FOXD4: variants seen among roughly 807,000 people sequenced by gnomAD.
FOXD4 encodes the protein forkhead box D4, also known as forkhead box protein D4.
A neutral mutation model predicts 26.5 loss-of-function variants in FOXD4; 22 were observed. The observed-to-expected ratio is 0.83, with a 90% CI of 0.59 to 1.18. FOXD4 has a LOEUF of 1.18. Ranked by LOEUF, FOXD4 falls within the 50% of genes most tolerant of loss-of-function variation. The probability of loss-of-function intolerance (pLI) is 0.00; values close to 1 mark genes in which losing one functional copy is unlikely to be tolerated. For missense variants in FOXD4, 625 were observed against 605.8 expected, an observed-to-expected ratio of 1.03 and a Z score of -0.33; for synonymous variants, 258 against 273.7, an observed-to-expected ratio of 0.94 and a Z score of 0.57.
rs756041805 is a variant in FOXD4, at chr9:117,900, C to G, written c.220G>C (p.Gly74Arg). ...AACTCTGAGGGGTCGCTCGGGCCGCCGCCGCCCTCGATGTGCTCTCGGGGA... is the reference window on the plus strand; with the variant it reads ...AACTCTGAGGGGTCGCTCGGGCCGCGGCCGCCCTCGATGTGCTCTCGGGGA... ...ALPREHIEGG[G>R]GPSDPSEFGT... The change falls in exon 1 of 1, where the codon GGC (glycine) becomes CGC (arginine). Residue 74 changes from glycine to arginine, a missense_variant. Coordinates refer to ENST00000382500, the MANE Select transcript of FOXD4 (RefSeq NM_207305.5). The G allele has an allele frequency of 6.2e-7, 1 of 1,611,962 alleles. No individual in the cohort carries two copies. Among genetic ancestry groups the G allele is most frequent in the Admixed American group, 1.7e-5 (1 of 60,008 alleles).
Position 116,479 on chromosome 9 carries a change from CTG to C in FOXD4, c.*319_*320del. ...GGGGGAACATGTTTGGCATCGGAGG[CTG>C]TGTTTTTGTTTGCTTGCTTGTTTTT... On this transcript the variant is annotated 3_prime_UTR_variant, in exon 1 of 1. Transcript: ENST00000382500. The C allele has an allele frequency of 2.1e-6, 1 of 478,968 alleles. No homozygotes were observed. The highest frequency in any genetic ancestry group is 3.4e-5 in the East Asian group (1 of 29,824). The allele number at this position is 478,968 out of a possible 1,614,324, so 29.7% of individuals were successfully genotyped here.
rs1819395301 is a variant in FOXD4 at position 117,473 on chromosome 9, G to C, written c.647C>G (p.Pro216Arg). The C allele has an allele frequency of 6.2e-7, 1 of 1,607,604 alleles. No individual in the cohort carries two copies. Among genetic ancestry groups the C allele is most frequent in the Non-Finnish European group, 8.5e-7 (1 of 1,179,688 alleles). ...CAGGGCGGCGTGTGCAGCAGGTAGA[G>C]GGAAGGGGTGGGGCAGGTGGGCTCC... ...TPGAHLPHPF[P>R]LPAAHAALHN... The change falls in exon 1 of 1, where the codon CCT (proline) becomes CGT (arginine). Residue 216 changes from proline to arginine, a missense_variant. Pro to Arg is a moderately radical substitution (Grantham distance 103). Transcript: ENST00000382500.
Position 117,806 on chromosome 9 carries a change from G to A in FOXD4, c.314C>T (p.Pro105Leu). 1.2e-6 allele frequency: 2 copies of A among 1,612,984 alleles called. No individual in the cohort carries two copies. The highest frequency in any genetic ancestry group is 1.7e-6 in the Non-Finnish European group (2 of 1,179,992). Residue 105 changes from proline to leucine, a missense_variant, in exon 1 of 1, where the codon CCC (proline) becomes CTC (leucine). By Grantham distance (98) the Pro-to-Leu change is moderately conservative. Transcript: ENST00000382500. ...ASEDARQPAK[P>L]PSSYIALITM... Reference sequence around the variant, plus strand: ...GATGAGCGCGATGTACGAGGAGGGGGGCTTTGCCGGCTGCCGGGCATCTTC... The same window carrying A: ...GATGAGCGCGATGTACGAGGAGGGGAGCTTTGCCGGCTGCCGGGCATCTTC...
Position 117,247 on chromosome 9 carries a change from G to A in FOXD4, c.873C>T (p.Pro291=), listed in dbSNP as rs1487432253. The A allele has an allele frequency of 1.2e-6, 2 of 1,609,174 alleles. No homozygotes were observed. The highest frequency in any genetic ancestry group is 1.7e-6 in the Non-Finnish European group (2 of 1,179,854). Residue 291 remains proline, a synonymous_variant, in exon 1 of 1, where the codon CCC becomes CCT. Transcript: ENST00000382500. ...CCAAGTGAGGGCTGCAGCACGGGAAGGGTGCCGGGGTCGCCAGGTCCGCGC... is the reference window on the plus strand; with the variant it reads ...CCAAGTGAGGGCTGCAGCACGGGAAAGGTGCCGGGGTCGCCAGGTCCGCGC... The part of the protein sequence containing the change: ...AEGADLATPA[P]FPCCSPHLVL...
rs767436497 is a variant in FOXD4, at chr9:118,059, C to T, written c.61G>A (p.Asp21Asn). 3.7e-6 allele frequency: 6 copies of T among 1,612,040 alleles called. No individual in the cohort carries two copies. Among genetic ancestry groups the T allele is most frequent in the South Asian group, 3.3e-5 (3 of 90,992 alleles). The change falls in exon 1 of 1, where the codon GAT becomes AAT. Residue 21 changes from aspartate to asparagine, a missense_variant. Physicochemically the swap from Asp to Asn is conservative, Grantham distance 23. Coordinates refer to ENST00000382500, the MANE Select transcript of FOXD4 (RefSeq NM_207305.5). ...ACATCGATTTTACCGTCTTCCCCAT[C>T]GGAGTCCCGGAGGCTGCGCTGCGGT... is the stretch of plus-strand genomic sequence containing the variant. ...STPQRSLRDS[D>N]GEDGKIDVLG...
At position 117,583 on chromosome 9, in the gene FOXD4, G is replaced by T. The variant is rs1819399414; in HGVS notation, c.537C>A (p.Ser179Arg). ...PGRPGKGNYWSLDPASQDMFD... is the reference protein window; with the variant it reads ...PGRPGKGNYWRLDPASQDMFD... ...ACATGTCCTGGGAGGCGGGGTCCAG[G>T]CTCCAGTAGTTGCCCTTGCCTGGGC... The change falls in exon 1 of 1, where the codon AGC (serine) becomes AGA (arginine). Residue 179 changes from serine (S) to arginine (R), a missense_variant. Around this residue, in one of 3 missense-constraint regions of FOXD4, gnomAD observed 399 missense variants for 329.4 expected, o/e 1.21. Transcript: ENST00000382500. 1.9e-6 allele frequency: 3 copies of T among 1,613,618 alleles called. No individual in the cohort carries two copies. The highest frequency in any genetic ancestry group is 2.5e-6 in the Non-Finnish European group (3 of 1,180,050).
Position 116,718 on chromosome 9 carries a change from C to T in FOXD4, c.*82G>A, listed in dbSNP as rs1194299809. 2.6e-6 allele frequency: 4 copies of T among 1,517,372 alleles called. No individual in the cohort carries two copies. Among genetic ancestry groups the T allele is most frequent in the Non-Finnish European group, 3.5e-6 (4 of 1,134,696 alleles). The allele number at this position is 1,517,372 out of a possible 1,614,324, so 94.0% of individuals were successfully genotyped here. ...ACAGAAGTTCGTGTTTGCTCTCCAG[C>T]GGGATTCAGATGCACACGCCCAGTA... On this transcript the variant is annotated 3_prime_UTR_variant, in exon 1 of 1. Transcript: ENST00000382500.
rs757510113 is a variant in FOXD4, at chr9:117,964, C to T, written c.156G>A (p.Gln52=). 29 of 1,611,856 alleles carry T rather than the reference C, an allele frequency of 1.8e-5. No homozygotes were observed. In the African/African-American group the frequency reaches 2.9e-4, roughly 16 times the overall value. Residue 52 remains glutamine (Q), a synonymous_variant, in exon 1 of 1, where the codon CAG becomes CAA. Coordinates refer to ENST00000382500, the MANE Select transcript of FOXD4 (RefSeq NM_207305.5). ...CCCACCGGGCCACCTGCAGCCCCGGCTGGAGCGACTGCTCTAGGAACTGCT... is the reference window on the plus strand; with the variant it reads ...CCCACCGGGCCACCTGCAGCCCCGGTTGGAGCGACTGCTCTAGGAACTGCT... ...ASQQFLEQSL[Q]PGLQVARWGG...
chr9:118,000 C>T lies in FOXD4; in HGVS notation c.120G>A (p.Glu40=). The change falls in exon 1 of 1, where the codon GAG becomes GAA. Residue 40 remains glutamate (E), a synonymous_variant. Coordinates refer to ENST00000382500, the MANE Select transcript of FOXD4 (RefSeq NM_207305.5). ...GCTCTAGGAACTGCTGGCTCGCCGC[C>T]TCCTCCTCGTCTTCATCTTCCTCCT... ...LGEEEDEDEE[E]AASQQFLEQS... 1.2e-6 allele frequency: 2 copies of T among 1,610,256 alleles called. No individual in the cohort carries two copies. The highest frequency in any genetic ancestry group is 1.7e-6 in the Non-Finnish European group (2 of 1,179,026).
Position 117,584 on chromosome 9 carries a change from C to A in FOXD4, c.536G>T (p.Ser179Ile). 2 of 1,613,770 alleles carry A rather than the reference C, an allele frequency of 1.2e-6. No individual in the cohort carries two copies. The highest frequency in any genetic ancestry group is 1.7e-6 in the Non-Finnish European group (2 of 1,180,046). The change falls in exon 1 of 1, where the codon AGC becomes ATC. Residue 179 changes from serine (S) to isoleucine (I), a missense_variant. Transcript: ENST00000382500. ...PGRPGKGNYW[S>I]LDPASQDMFD... is the part of the protein sequence containing the mutation. ...CATGTCCTGGGAGGCGGGGTCCAGG[C>A]TCCAGTAGTTGCCCTTGCCTGGGCG...
In FOXD4 at chr9:117,624, G is replaced by C; in HGVS notation, c.496C>G (p.Pro166Ala). Reference protein sequence around the residue: ...LSLNDCFVKIPREPGRPGKGN... With the variant: ...LSLNDCFVKIAREPGRPGKGN... Reference sequence around the variant, plus strand: ...TTGCCTGGGCGGCCCGGCTCGCGGGGGATCTTGACGAAGCAGTCGTTCAGC... The same window carrying C: ...TTGCCTGGGCGGCCCGGCTCGCGGGCGATCTTGACGAAGCAGTCGTTCAGC... Residue 166 changes from proline (P) to alanine (A), a missense_variant, in exon 1 of 1, where the codon CCC becomes GCC. Pro to Ala is a conservative substitution (Grantham distance 27, BLOSUM62 -1). This residue lies in a region of FOXD4 where 399 missense variants were observed against 329.4 expected (regional missense o/e 1.21). Transcript: ENST00000382500. The C allele has an allele frequency of 6.2e-7, 1 of 1,613,846 alleles. No individual in the cohort carries two copies. The highest frequency in any genetic ancestry group is 8.5e-7 in the Non-Finnish European group (1 of 1,180,056).
chr9:117,673 C>T lies in FOXD4; in HGVS notation c.447G>A (p.Gln149=). The T allele has an allele frequency of 1.9e-6, 3 of 1,613,288 alleles. No individual in the cohort carries two copies. Among genetic ancestry groups the T allele is most frequent in the Non-Finnish European group, 2.5e-6 (3 of 1,179,900 alleles). Reference sequence around the variant, plus strand: ...GCGAGAGGTTGTGGCGGATGCTGTTCTGCCAGGCGGGGAACTTGCGGCGGT... The same window carrying T: ...GCGAGAGGTTGTGGCGGATGCTGTTTTGCCAGGCGGGGAACTTGCGGCGGT... The part of the protein sequence containing the change: ...PYYRRKFPAW[Q]NSIRHNLSLN... The change falls in exon 1 of 1, where the codon CAG becomes CAA. Residue 149 remains glutamine, a synonymous_variant. Transcript: ENST00000382500.
chr9:116,727 G>C lies in FOXD4; in HGVS notation c.*73C>G. On this transcript the variant is annotated 3_prime_UTR_variant, in exon 1 of 1. Coordinates refer to ENST00000382500, the MANE Select transcript of FOXD4 (RefSeq NM_207305.5). ...CGTGTTTGCTCTCCAGCGGGATTCA[G>C]ATGCACACGCCCAGTATGGGCCGCG... is the stretch of plus-strand genomic sequence containing the variant. 6.6e-7 allele frequency: 1 copy of C among 1,519,986 alleles called. No individual in the cohort carries two copies. The highest frequency in any genetic ancestry group is 8.8e-7 in the Non-Finnish European group (1 of 1,135,842). The allele number at this position is 1,519,986 out of a possible 1,614,324, so 94.2% of individuals were successfully genotyped here. A position where few individuals can be genotyped will look rare whatever the true frequency, so the allele number is the denominator to read the frequency against.
rs755585752 is a variant in FOXD4 at position 118,029 on chromosome 9, C to T, written c.91G>A (p.Gly31Arg). ...TCCTCGTCTTCATCTTCCTCCTCTC[C>T]CAGGACATCGATTTTACCGTCTTCC... ...DGEDGKIDVL[G>R]EEEDEDEEEA... Residue 31 changes from glycine (G) to arginine (R), a missense_variant, in exon 1 of 1, where the codon GGA becomes AGA. Transcript: ENST00000382500. 6.2e-7 allele frequency: 1 copy of T among 1,612,008 alleles called. No homozygotes were observed. The highest frequency in any genetic ancestry group is 1.7e-5 in the Admixed American group (1 of 60,018).
At position 117,227 on chromosome 9, in the gene FOXD4, T is replaced by A. The variant is rs757678496; in HGVS notation, c.893A>T (p.His298Leu). 2 of 1,609,650 alleles carry A rather than the reference T, an allele frequency of 1.2e-6. No homozygotes were observed. Among genetic ancestry groups the A allele is most frequent in the African/African-American group, 2.7e-5 (2 of 74,814 alleles). ...CCTCCTCCCAAGGCTGAGGACCAAG[T>A]GAGGGCTGCAGCACGGGAAGGGTGC... ...TPAPFPCCSP[H>L]LVLSLGRRAR... Residue 298 changes from histidine (H) to leucine (L), a missense_variant, in exon 1 of 1, where the codon CAC (histidine) becomes CTC (leucine). Around this residue, in one of 3 missense-constraint regions of FOXD4, gnomAD observed 92 missense variants for 144.2 expected, o/e 0.64. Transcript: ENST00000382500.
In FOXD4 at chr9:117,026, T is replaced by C; in HGVS notation, c.1094A>G (p.Gln365Arg). 6.2e-7 allele frequency: 1 copy of C among 1,612,084 alleles called. No individual in the cohort carries two copies. The highest frequency in any genetic ancestry group is 2.2e-5 in the East Asian group (1 of 44,894). ...GCAGTCCTCCTCCTGATGCCGCTGCTGTTGCTGCAAAATTGTCCGACAGGC... is the reference window on the plus strand; with the variant it reads ...GCAGTCCTCCTCCTGATGCCGCTGCCGTTGCTGCAAAATTGTCCGACAGGC... The part of the protein sequence containing the change: ...RQACRTILQQ[Q>R]QRHQEEDCAN... The change falls in exon 1 of 1, where the codon CAG becomes CGG. Residue 365 changes from glutamine (Q) to arginine (R), a missense_variant. Transcript: ENST00000382500.
rs1819377518 is a variant in FOXD4, at chr9:117,007, C to A, written c.1113G>T (p.Glu371Asp). The A allele has an allele frequency of 1.2e-6, 2 of 1,611,968 alleles. No individual in the cohort carries two copies. The highest frequency in any genetic ancestry group is 1.3e-5 in the African/African-American group (1 of 74,912). ...ILQQQQRHQE[E>D]DCANGCAPTK... is the part of the protein sequence containing the mutation. ...TGGGAGCGCAGCCGTTGGCGCAGTC[C>A]TCCTCCTGATGCCGCTGCTGTTGCT... Residue 371 changes from glutamate (E) to aspartate (D), a missense_variant, in exon 1 of 1, where the codon GAG (glutamate) becomes GAT (aspartate). Transcript: ENST00000382500.
Position 116,638 on chromosome 9 carries a change from G to C in FOXD4, c.*162C>G, listed in dbSNP as rs1218613810. ...TGACGCCCTGCGAAGGTTACGTTCA[G>C]GTGGTTTTTAGAGGAACGTAATCCA... is the stretch of plus-strand genomic sequence containing the variant. On this transcript the variant is annotated 3_prime_UTR_variant, in exon 1 of 1. Coordinates refer to ENST00000382500, the MANE Select transcript of FOXD4 (RefSeq NM_207305.5). 122 of 1,205,382 alleles carry C rather than the reference G, an allele frequency of 1.0e-4. No individual in the cohort carries two copies. The highest frequency in any genetic ancestry group is 1.4e-4 in the Non-Finnish European group (121 of 859,942). 74.7% of individuals were successfully genotyped at this position (1,205,382 alleles called of 1,614,324 possible).
At position 118,106 on chromosome 9, in the gene FOXD4, C is replaced by G; in HGVS notation, c.14G>C (p.Arg5Thr). Residue 5 changes from arginine (R) to threonine (T), a missense_variant, in exon 1 of 1, where the codon AGA (arginine) becomes ACA (threonine). Transcript: ENST00000382500. ...CGGTGTGGAGCGAAGGCGCTCAGCT[C>G]TTGGCAAGTTCATGGCGGAGCAGGT... is the stretch of plus-strand genomic sequence containing the variant. MNLPRAERLRSTPQR... is the reference protein window; with the variant it reads MNLPTAERLRSTPQR... 2.5e-6 allele frequency: 4 copies of G among 1,611,990 alleles called. No homozygotes were observed. The highest frequency in any genetic ancestry group is 1.3e-5 in the African/African-American group (1 of 74,964).
Sources: gnomAD v4.1 joint callset for allele counts on GRCh38, gnomAD v4.1.1 for gene constraint, gnomAD v4.1.1 regional missense constraint, MANE v1.5 for transcripts, NCBI Gene and HGNC (gene_info 2026-07-23, HGNC 2026-07-21) for gene names.